SMARCA4: variants seen among roughly 807,000 people sequenced by gnomAD.
SMARCA4 encodes the protein SWI/SNF-related matrix-associated actin-dependent regulator of chromatin subfamily A member 4.
A neutral mutation model predicts 193.9 loss-of-function variants in SMARCA4; 31 were observed. The ratio of observed to expected loss-of-function variants is 0.16; its 90% CI spans 0.12 to 0.22. The LOEUF (loss-of-function observed/expected upper bound fraction) is 0.22. Ranked by LOEUF, SMARCA4 falls within the 10% of genes least tolerant of loss-of-function variation. SMARCA4 has a pLI of 1.00. For missense variants in SMARCA4, 1,148 were observed against 2,296.0 expected (o/e 0.50, Z 10.22); for synonymous variants, 942 against 933.1 (o/e 1.01, Z -0.17).
chr19:10,981,463 G>A (rs11669133), intron 1 of SMARCA4, among the ~76,000 whole-genome samples: 6,206 of 152,332 alleles, frequency 0.041, 168 homozygotes, highest in African/African-American at 0.06. Flanking sequence ...CAGAATGTGC[G>A]AATATCCACA....
intron 1 of SMARCA4, among the ~76,000 whole-genome samples, chr19:10,968,324 G>A (rs550264001): frequency 6.6e-6 from 1 of 152,216 alleles, no homozygotes; most frequent in Admixed American, 6.5e-5. Flanking sequence ...GGTTTCCAGA[G>A]CTTTGCTTTT....
At position 11,033,657 on chromosome 19, in the gene SMARCA4, A is replaced by T. The variant is rs938777176; in HGVS notation, c.3775-110A>T. On this transcript the variant is annotated intron_variant, in intron 26 of 34. Transcript: ENST00000344626. This position sits in a 1 kb window ranked among gnomAD's most constrained non-coding sequence, Gnocchi z 9.8. ...AGTAAAGGGAGTGTGGGCTGAACGG[A>T]AAGAGGATGAGTACTTGCTTTTTCT... 1 of 778,836 alleles carries T rather than the reference A, an allele frequency of 1.3e-6. No homozygotes were observed. The highest frequency in any genetic ancestry group is 2.3e-6 in the Non-Finnish European group (1 of 428,502). The allele number at this position is 778,836 out of a possible 1,614,324, so 48.2% of individuals were successfully genotyped here. A position where few individuals can be genotyped will look rare whatever the true frequency, so the allele number is the denominator to read the frequency against.
At chr19:10,994,649 C>T (rs879854191) in intron 8 of SMARCA4, among the ~76,000 whole-genome samples, 179 bp from the exon 9 acceptor site, 4 of 151,664 alleles carry the variant, frequency 2.6e-5, no homozygotes, top group Non-Finnish European at 5.9e-5. Flanking sequence ...TTAGTAGAGA[C>T]GGGGTTTCAC....
Position 11,060,310 on chromosome 19 carries a change from C to G in SMARCA4, c.4911+123C>G, listed in dbSNP as rs577171766. ...CACGCTGCAGGTGGGAAAGCTGAGG[C>G]TTGACCTGCCATGGCTGACCCCAGG... is the stretch of plus-strand genomic sequence containing the variant. On this transcript the variant is annotated intron_variant, in intron 34 of 34. Coordinates refer to ENST00000344626, the MANE Select transcript of SMARCA4 (RefSeq NM_003072.5). The G allele has an allele frequency of 4.6e-3, 5,776 of 1,244,990 alleles. 171 individuals carry two copies. The South Asian group carries it at 0.047, about 10-fold the overall frequency. 77.1% of individuals were successfully genotyped at this position (1,244,990 alleles called of 1,614,324 possible). A position where few individuals can be genotyped will look rare whatever the true frequency, so the allele number is the denominator to read the frequency against.
chr19:11,039,382 C>T (rs2075443418), intron 29 of SMARCA4: 6 of 787,924 alleles, frequency 7.6e-6, no homozygotes, highest in Non-Finnish European at 1.2e-5. Flanking sequence ...CCTAAATGCC[C>T]AAGAACAAGG....
intron 30 of SMARCA4, among the ~76,000 whole-genome samples, chr19:11,046,692 G>A (rs900732213): frequency 1.3e-5 from 2 of 152,150 alleles, no homozygotes; most frequent in South Asian, 4.1e-4. Context: ...TAGTGGTCAC[G>A]CCTGTAATCC....
intron 30 of SMARCA4, among the ~76,000 whole-genome samples, chr19:11,055,184 G>A (rs1462626058): frequency 1.3e-5 from 2 of 151,980 alleles, no homozygotes; most frequent in African/African-American, 2.4e-5. Flanking sequence ...CCTTGGTTTT[G>A]TGTTTTGTTT....
intron 19 of SMARCA4, among the ~76,000 whole-genome samples, chr19:11,022,190 C>T (rs931153081): frequency 4.6e-5 from 7 of 152,148 alleles, no homozygotes; most frequent in East Asian, 3.8e-4. Flanking sequence ...TCGGAATGCT[C>T]GGGGCGTCTC....
At chr19:11,001,880 T>C (rs2087672382) in intron 11 of SMARCA4, among the ~76,000 whole-genome samples, 1 of 152,218 alleles carries the variant, frequency 6.6e-6, no homozygotes, top group African/African-American at 2.4e-5. Flanking sequence ...ATCCATTGAA[T>C]CTCAACAGGA....
At chr19:11,035,185 G>A (rs910519977) in intron 29 of SMARCA4, 53 bp downstream of exon 29, 7 of 1,541,418 alleles carry the variant, frequency 4.5e-6, no homozygotes, top group Non-Finnish European at 6.2e-6. Flanking sequence ...AGGCAGGGCT[G>A]GGGAGACAAA....
At chr19:10,981,666 C>T (rs1479366500) in intron 1 of SMARCA4, among the ~76,000 whole-genome samples, 2 of 152,172 alleles carry the variant, frequency 1.3e-5, no homozygotes, top group East Asian at 3.8e-4. Flanking sequence ...TTGAGCCTTT[C>T]ATCTCTTGTC....
At chr19:11,032,666 C>CAA (rs553090305) in intron 25 of SMARCA4, 97 of 112,670 alleles carry the variant, frequency 8.6e-4, no homozygotes, top group Middle Eastern at 4.5e-3. Flanking sequence ...GACTTTGTCT[C>CAA]AAAAAAAAAA....
At chr19:11,035,938 A>C (rs1909001022) in intron 29 of SMARCA4, among the ~76,000 whole-genome samples, 1 of 152,232 alleles carries the variant, frequency 6.6e-6, no homozygotes, top group South Asian at 2.1e-4. Flanking sequence ...AATGTCCTGA[A>C]GCAATAATTC....
At chr19:10,980,756 T>C (rs1179787360) in intron 1 of SMARCA4, 1 of 152,218 alleles carries the variant, frequency 6.6e-6, no homozygotes, top group African/African-American at 2.4e-5. Context: ...TGGATCTTTT[T>C]CTCTTTTTCC....
intron 8 of SMARCA4, among the ~76,000 whole-genome samples, chr19:10,991,550 G>A (rs1286175798): frequency 1.3e-5 from 2 of 152,256 alleles, no homozygotes; most frequent in Non-Finnish European, 2.9e-5. Context: ...GAAGGTGATA[G>A]GGCACAAAGA....
In SMARCA4 at chr19:11,059,833, C is replaced by T. The variant is rs1368796043; in HGVS notation, c.4716C>T (p.Gly1572=). 6.2e-7 allele frequency: 1 copy of T among 1,613,362 alleles called. No homozygotes were observed. The highest frequency in any genetic ancestry group is 8.5e-7 in the Non-Finnish European group (1 of 1,179,588). ...TCGAGAAGGAGGATGACAGTGAAGG[C>T]GAGGAGAGTGAGGAGGAGGAAGAGG... is the stretch of plus-strand genomic sequence containing the variant. ...QKIEKEDDSE[G]EESEEEEEGE... Residue 1572 remains glycine (G), a synonymous_variant, in exon 33 of 35, where the codon GGC becomes GGT. Coordinates refer to ENST00000344626, the MANE Select transcript of SMARCA4 (RefSeq NM_003072.5).
chr19:11,010,262 A>AGT, intron 14 of SMARCA4, 119 bp from the exon 15 acceptor site: 1 of 1,137,870 alleles, frequency 8.8e-7, no homozygotes. Flanking sequence ...TGTGTCTTAC[A>AGT]GTGCTGGCCA....
chr19:11,053,897 C>T (rs148296828), intron 30 of SMARCA4, among the ~76,000 whole-genome samples: 1 of 152,144 alleles, frequency 6.6e-6, no homozygotes, highest in Non-Finnish European at 1.5e-5. Flanking sequence ...GGCAACAGAA[C>T]AAGATCGTGT....
At chr19:11,004,665 AG>A (rs2088009223) in intron 13 of SMARCA4, among the ~76,000 whole-genome samples, 1 of 152,110 alleles carries the variant, frequency 6.6e-6, no homozygotes, top group Non-Finnish European at 1.5e-5. Flanking sequence ...TTGCATTTTC[AG>A]CTAGTATGAC....
Sources: gnomAD v4.1 joint callset for allele counts (sites outside exome capture counted in the v4.1 genomes callset) on GRCh38, gnomAD v4.1.1 for gene constraint, Gnocchi (gnomAD v3.1) non-coding constraint, MANE v1.5 for transcripts, NCBI Gene and HGNC (gene_info 2026-07-23, HGNC 2026-07-21) for gene names.